The following GRM8 variants were observed in gnomAD, a reference collection of about 807,000 sequenced individuals.
GRM8 encodes the protein glutamate metabotropic receptor 8.
A neutral mutation model predicts 87.2 loss-of-function variants in GRM8; 47 were observed. The observed-to-expected ratio is 0.54, with a 90% CI of 0.43 to 0.69. GRM8 has a LOEUF of 0.69. Among genes scored for constraint, GRM8 ranks in the 30% least tolerant of loss-of-function variants. GRM8 has a pLI of 0.00. For missense variants in GRM8, 1,019 were observed against 1,139.2 expected, an observed-to-expected ratio of 0.89 and a Z score of 1.52; for synonymous variants, 396 against 404.5, an observed-to-expected ratio of 0.98 and a Z score of 0.25.
intron 2 of GRM8, among the ~76,000 whole-genome samples, chr7:127,232,581 C>G (rs1305995875): frequency 6.6e-6 from 1 of 152,050 alleles, no homozygotes; most frequent in African/African-American, 2.4e-5. Context: ...AATGACTATA[C>G]CTTTAATGCT....
At chr7:126,750,386 G>T (rs1017761525) in intron 7 of GRM8, among the ~76,000 whole-genome samples, 8 of 152,026 alleles carry the variant, frequency 5.3e-5, no homozygotes, top group African/African-American at 9.7e-5. Flanking sequence ...AATCATAACT[G>T]CAGTGGTGGT....
chr7:126,653,976 A>T (rs971468957), intron 7 of GRM8, among the ~76,000 whole-genome samples: 14 of 152,238 alleles, frequency 9.2e-5, no homozygotes, highest in Non-Finnish European at 1.6e-4. Context: ...CTGGATTTGA[A>T]AGTCACAAAA....
At chr7:127,053,851 A>G (rs1405031892) in intron 3 of GRM8, among the ~76,000 whole-genome samples, 1 of 151,816 alleles carries the variant, frequency 6.6e-6, no homozygotes, top group African/African-American at 2.4e-5. Context: ...AATTCCCAAT[A>G]TCTGGCACAT....
intron 8 of GRM8, among the ~76,000 whole-genome samples, chr7:126,601,178 G>A (rs932369462): frequency 8.7e-5 from 13 of 149,614 alleles, no homozygotes; most frequent in South Asian, 2.1e-4. Flanking sequence ...GAGAATATGC[G>A]GTGTTTGGTT....
At chr7:126,693,210 A>T (rs1809012388) in intron 7 of GRM8, among the ~76,000 whole-genome samples, 1 of 152,202 alleles carries the variant, frequency 6.6e-6, no homozygotes, top group African/African-American at 2.4e-5. Flanking sequence ...GCTTGAGGTT[A>T]GTGGGTAATA....
chr7:126,615,964 A>G (rs1799444661), intron 7 of GRM8, among the ~76,000 whole-genome samples: 1 of 152,178 alleles, frequency 6.6e-6, no homozygotes, highest in Non-Finnish European at 1.5e-5. Context: ...TAGACAGATC[A>G]ACGAGACAGA....
At chr7:127,159,581 A>T (rs1563549308) in intron 2 of GRM8, among the ~76,000 whole-genome samples, 1 of 152,190 alleles carries the variant, frequency 6.6e-6, no homozygotes, top group Admixed American at 6.5e-5. Context: ...GAAAAAAAAA[A>T]TGACAGGACT....
At chr7:126,960,359 A>T (rs1809182361) in intron 3 of GRM8, among the ~76,000 whole-genome samples, 1 of 152,206 alleles carries the variant, frequency 6.6e-6, no homozygotes, top group African/African-American at 2.4e-5. Context: ...CCTCTAAAAA[A>T]CACAATTCAG....
chr7:126,806,647 C>G (rs757897930), intron 6 of GRM8, among the ~76,000 whole-genome samples: 3 of 152,244 alleles, frequency 2.0e-5, no homozygotes, highest in African/African-American at 4.8e-5. Context: ...GAAAAGTTCT[C>G]CAAGTCCCCA....
At chr7:126,579,364 G>A (rs1238431582) in intron 8 of GRM8, among the ~76,000 whole-genome samples, 1 of 152,086 alleles carries the variant, frequency 6.6e-6, no homozygotes, top group East Asian at 1.9e-4. Flanking sequence ...AGTTTTCAAA[G>A]TATTTTCACA....
At chr7:126,990,226 T>A (rs1812516474) in intron 3 of GRM8, among the ~76,000 whole-genome samples, 1 of 152,046 alleles carries the variant, frequency 6.6e-6, no homozygotes, top group Non-Finnish European at 1.5e-5. Context: ...AAATACTTAT[T>A]TTTCCTGCTT....
chr7:126,792,835 T>C (rs1339417069), intron 6 of GRM8, among the ~76,000 whole-genome samples: 1 of 152,214 alleles, frequency 6.6e-6, no homozygotes, highest in Non-Finnish European at 1.5e-5. Flanking sequence ...ACCATCAGTA[T>C]GGTGACTGGC....
At chr7:126,592,502 T>A (rs1796776945) in intron 8 of GRM8, among the ~76,000 whole-genome samples, 1 of 151,926 alleles carries the variant, frequency 6.6e-6, no homozygotes, top group South Asian at 2.1e-4. Context: ...ATGTGATACA[T>A]CACATTAACT....
chr7:127,028,263 A>T (rs931437718), intron 3 of GRM8, among the ~76,000 whole-genome samples: 7 of 152,082 alleles, frequency 4.6e-5, no homozygotes, highest in Admixed American at 3.9e-4. Flanking sequence ...TTTCGCATTG[A>T]TGTTCATCAG....
At chr7:126,665,536 T>C (rs186428081) in intron 7 of GRM8, among the ~76,000 whole-genome samples, 107 of 152,114 alleles carry the variant, frequency 7.0e-4, no homozygotes, top group African/African-American at 2.5e-3. Context: ...CACTCATAAG[T>C]GAGAACTAAG....
chr7:127,154,190 CA>C (rs941229885), intron 2 of GRM8, among the ~76,000 whole-genome samples: 2 of 152,106 alleles, frequency 1.3e-5, no homozygotes, highest in Non-Finnish European at 2.9e-5. Flanking sequence ...TCCAACTTTG[CA>C]AAAGGCACTT....
At chr7:127,161,817 A>G (rs1381964201) in intron 2 of GRM8, among the ~76,000 whole-genome samples, 1 of 152,200 alleles carries the variant, frequency 6.6e-6, no homozygotes, top group African/African-American at 2.4e-5. Context: ...TAAAGGGTGC[A>G]TCAGCAGAAA....
intron 3 of GRM8, among the ~76,000 whole-genome samples, chr7:126,928,249 T>A (rs1805360932): frequency 1.3e-5 from 2 of 151,444 alleles, no homozygotes; most frequent in Non-Finnish European, 2.9e-5. Flanking sequence ...AGGGGAGGGA[T>A]AGCATTAGGA....
intron 8 of GRM8, among the ~76,000 whole-genome samples, chr7:126,560,450 C>T (rs568677914): frequency 6.6e-6 from 1 of 152,134 alleles, no homozygotes; most frequent in East Asian, 1.9e-4. Context: ...TGCTTTTAGT[C>T]AGCCTTCTAT....
Sources: allele counts gnomAD v4.1 joint callset (sites outside exome capture counted in the v4.1 genomes callset), GRCh38; gene constraint gnomAD v4.1.1; transcripts MANE v1.5; gene names NCBI Gene and HGNC (gene_info 2026-07-23, HGNC 2026-07-21).